CCDC3: variants seen among roughly 807,000 people sequenced by gnomAD.
CCDC3 encodes coiled-coil domain containing 3.
Under a neutral mutation model 21.4 loss-of-function variants are expected in CCDC3, and 24 were observed. The observed-to-expected ratio is 1.12, with a 90% CI of 0.81 to 1.58. The LOEUF is 1.58. Ranked by LOEUF, CCDC3 falls within the 40% of genes most tolerant of loss-of-function variation. The pLI is 0.00. For synonymous variants in CCDC3, 186 were observed against 166.0 expected, an observed-to-expected ratio of 1.12 and a Z score of -0.93; for missense variants, 425 against 360.9, an observed-to-expected ratio of 1.18 and a Z score of -1.44.
At chr10:12,937,215 C>T (rs760780528) in intron 2 of CCDC3, among the ~76,000 whole-genome samples, 23 of 151,980 alleles carry the variant, frequency 1.5e-4, no homozygotes, top group African/African-American at 4.8e-4. Context: ...CGTTTTTGCT[C>T]GGGTAAGTTG....
intron 1 of CCDC3, among the ~76,000 whole-genome samples, chr10:12,999,906 T>G (rs746262470): frequency 3.3e-5 from 5 of 152,216 alleles, no homozygotes; most frequent in Non-Finnish European, 5.9e-5. Flanking sequence ...TGGCTTTATT[T>G]AGAAACTACA....
intron 2 of CCDC3, among the ~76,000 whole-genome samples, chr10:12,934,928 C>G (rs1214172354): frequency 6.6e-6 from 1 of 151,928 alleles, no homozygotes; most frequent in Non-Finnish European, 1.5e-5. Context: ...CATGCCCAGT[C>G]TTATCTTATT....
chr10:12,964,647 C>T (rs2131259866), intron 2 of CCDC3, among the ~76,000 whole-genome samples: 1 of 152,284 alleles, frequency 6.6e-6, no homozygotes, highest in East Asian at 1.9e-4. Context: ...TGTGATAATA[C>T]ATTTCCTCAC....
intron 5 of CCDC3, among the ~76,000 whole-genome samples, chr10:13,033,920 G>A (rs1836339827): frequency 6.6e-6 from 1 of 152,184 alleles, no homozygotes; most frequent in Admixed American, 6.5e-5. Flanking sequence ...CAACCACTGT[G>A]GAAGACAGTG....
At chr10:13,034,797 G>C (rs1336291828) in intron 5 of CCDC3, among the ~76,000 whole-genome samples, 1 of 152,084 alleles carries the variant, frequency 6.6e-6, no homozygotes, top group Non-Finnish European at 1.5e-5. Flanking sequence ...GGCCAAAGTG[G>C]GTGGATTGCT....
At chr10:12,979,406 G>T (rs1360032251) in intron 2 of CCDC3, among the ~76,000 whole-genome samples, 3 of 150,976 alleles carry the variant, frequency 2.0e-5, no homozygotes, top group Non-Finnish European at 2.9e-5. Flanking sequence ...TTTGTTTTTG[G>T]TTTTGAGACA....
intron 3 of CCDC3, among the ~76,000 whole-genome samples, chr10:13,075,080 C>T (rs904544066): frequency 6.6e-6 from 1 of 152,200 alleles, no homozygotes; most frequent in African/African-American, 2.4e-5. Context: ...CACTGCAAAC[C>T]TGGCTCCCTG....
intron 2 of CCDC3, among the ~76,000 whole-genome samples, chr10:12,990,516 G>A (rs1835665532): frequency 6.6e-6 from 1 of 152,172 alleles, no homozygotes; most frequent in Non-Finnish European, 1.5e-5. Flanking sequence ...GTATTTGATA[G>A]ACATTTTCTT....
At chr10:12,946,519 C>T (rs938736800) in intron 2 of CCDC3, among the ~76,000 whole-genome samples, 6 of 152,192 alleles carry the variant, frequency 3.9e-5, no homozygotes, top group Admixed American at 1.3e-4. Context: ...AAATGCCCAA[C>T]TGTGGCTAAT....
exon 5 of CCDC3, chr10:13,049,939 T>C (rs969857990): frequency 6.6e-6 from 1 of 152,204 alleles, no homozygotes; most frequent in East Asian, 1.9e-4. Flanking sequence ...TTCCAAGAAG[T>C]AGCTGAGGAC....
intron 2 of CCDC3, among the ~76,000 whole-genome samples, chr10:12,944,469 G>A (rs911857054): frequency 2.3e-4 from 35 of 152,194 alleles, no homozygotes; most frequent in African/African-American, 7.7e-4. Flanking sequence ...CCTGCTTTGA[G>A]ATGTCCTGCT....
At chr10:13,043,340 C>T (rs1442754900) in intron 5 of CCDC3, among the ~76,000 whole-genome samples, 1 of 152,086 alleles carries the variant, frequency 6.6e-6, no homozygotes, top group Non-Finnish European at 1.5e-5. Flanking sequence ...GCCTGTAATC[C>T]CAGCTACTTT....
intron 4 of CCDC3, among the ~76,000 whole-genome samples, chr10:13,073,025 C>G (rs1034214691): frequency 1.9e-4 from 29 of 151,842 alleles, no homozygotes; most frequent in African/African-American, 6.3e-4. Flanking sequence ...TGCCACCACG[C>G]CTGGCTAATT....
At chr10:12,965,745 G>A (rs2580910) in intron 2 of CCDC3, among the ~76,000 whole-genome samples, 131,190 of 152,248 alleles carry the variant, frequency 0.86, 57,722 homozygotes, top group East Asian at 1. Context: ...TTTGGATGCC[G>A]GCAGTTTGGA....
chr10:12,974,645 G>C (rs1038356697), intron 2 of CCDC3, among the ~76,000 whole-genome samples: 17 of 152,118 alleles, frequency 1.1e-4, no homozygotes, highest in African/African-American at 4.1e-4. Flanking sequence ...GTCACCATGG[G>C]GCCGAGGGCT....
chr10:12,925,445 T>G (rs1834521030), intron 2 of CCDC3, among the ~76,000 whole-genome samples: 1 of 152,170 alleles, frequency 6.6e-6, no homozygotes, highest in South Asian at 2.1e-4. Flanking sequence ...GCCCTCTAAG[T>G]AACCTCTCCC....
At position 13,014,110 on chromosome 10, in the gene CCDC3, C is replaced by A. The variant is rs533604473; in HGVS notation, c.-1-15598G>T. 2.0e-5 allele frequency among the ~76,000 whole-genome samples: 3 copies of A among 151,900 alleles called. No homozygotes were observed. In the East Asian group the frequency reaches 5.8e-4, roughly 29 times the overall value. ...AGATTGCAGTGAGCCGAGATCACGCCATTGCACTCCAGCCTGGGTGACAAA... is the reference window on the plus strand; with the variant it reads ...AGATTGCAGTGAGCCGAGATCACGCAATTGCACTCCAGCCTGGGTGACAAA... On this transcript the variant is annotated intron_variant, in intron 5 of 6. Transcript: ENST00000378839.
At chr10:13,077,315 C>A (rs1444561833) in intron 3 of CCDC3, among the ~76,000 whole-genome samples, 1 of 152,094 alleles carries the variant, frequency 6.6e-6, no homozygotes, top group Non-Finnish European at 1.5e-5. Context: ...ACGTGAAGGA[C>A]CTCTTCAAGG....
intron 3 of CCDC3, chr10:13,074,161 T>TA (rs1836925533): frequency 2.3e-5 from 2 of 87,944 alleles, no homozygotes; most frequent in African/African-American, 9.8e-5. Flanking sequence ...ATATTTTTTT[T>TA]TTTTTTTTTT....
Sources: allele counts gnomAD v4.1 joint callset (sites outside exome capture counted in the v4.1 genomes callset), GRCh38; gene constraint gnomAD v4.1.1; transcripts MANE v1.5; gene names NCBI Gene and HGNC (gene_info 2026-07-23, HGNC 2026-07-21).